The following SUV39H2 variants were observed in gnomAD, a reference collection of about 807,000 sequenced individuals.
SUV39H2 encodes the protein SUV39H2 histone lysine methyltransferase, also known as histone-lysine N-methyltransferase SUV39H2.
A neutral mutation model predicts 47.5 loss-of-function variants in SUV39H2; 10 were observed. The observed-to-expected ratio is 0.21, with a 90% confidence interval of 0.13 to 0.36. The LOEUF (loss-of-function observed/expected upper bound fraction) is 0.36. SUV39H2 is among the 10% of genes least tolerant of loss of function. The pLI is 1.00. For missense variants in SUV39H2, 266 were observed against 487.4 expected (o/e 0.55, Z 4.28); for synonymous variants, 159 against 166.8 (o/e 0.95, Z 0.36).
intron 2 of SUV39H2, among the ~76,000 whole-genome samples, chr10:14,892,595 A>C (rs188328558): frequency 2.6e-5 from 4 of 151,656 alleles, no homozygotes; most frequent in Non-Finnish European, 4.4e-5. Flanking sequence ...CCCTTTTCTC[A>C]TTGTCTCAGC....
At chr10:14,887,134 A>T (rs1362421274) in intron 2 of SUV39H2, among the ~76,000 whole-genome samples, 1 of 152,252 alleles carries the variant, frequency 6.6e-6, no homozygotes, top group Non-Finnish European at 1.5e-5. Flanking sequence ...TAACACGTGC[A>T]TGGCTGCATG....
chr10:14,898,981 C>A, intron 3 of SUV39H2: 1 of 483,964 alleles, frequency 2.1e-6, no homozygotes, highest in Non-Finnish European at 3.7e-6. Context: ...TTTTGAACAT[C>A]CTAATTATAA....
At chr10:14,898,856 C>G (rs1833788566) in intron 3 of SUV39H2, 1 of 196,638 alleles carries the variant, frequency 5.1e-6, no homozygotes, top group African/African-American at 2.3e-5. Context: ...CCATTTGTAA[C>G]TGCATATATA....
intron 2 of SUV39H2, among the ~76,000 whole-genome samples, chr10:14,886,930 G>A (rs1231312511): frequency 6.6e-6 from 1 of 152,216 alleles, no homozygotes; most frequent in Non-Finnish European, 1.5e-5. Flanking sequence ...CATTGTAATT[G>A]ACTAGGGCTT....
intron 2 of SUV39H2, among the ~76,000 whole-genome samples, chr10:14,887,861 C>T (rs1440205772): frequency 6.6e-6 from 1 of 152,132 alleles, no homozygotes; most frequent in Non-Finnish European, 1.5e-5. Context: ...GGGCAGGTAT[C>T]CCTGAGGAAC....
chr10:14,898,202 CTTTTTTTTTTTTTTTTTT>C (rs919860514), intron 3 of SUV39H2: 3 of 56,156 alleles, frequency 5.3e-5, no homozygotes, highest in Admixed American at 1.9e-4. Context: ...AGTACTGTTT[CTTTTTTTTTTTTTTTTTT>C]TTTTTTTTTT....
chr10:14,886,169 T>C (rs1833202492), intron 2 of SUV39H2, among the ~76,000 whole-genome samples: 2 of 152,244 alleles, frequency 1.3e-5, no homozygotes, highest in East Asian at 3.8e-4. Flanking sequence ...ACCCAGCTTA[T>C]ATTCTAATGC....
chr10:14,878,937 C>G lies in SUV39H2; in HGVS notation c.31+18C>G, dbSNP rs1322057552. On this transcript the variant is annotated intron_variant, in intron 1 of 5. Transcript: ENST00000354919. Reference sequence around the variant, plus strand: ...GCGAGGAGGTGAGGCTGGAGCGCGGCCCCCTCGCCTTCCCTGTTCCCAGGC... The same window carrying G: ...GCGAGGAGGTGAGGCTGGAGCGCGGGCCCCTCGCCTTCCCTGTTCCCAGGC... The G allele has an allele frequency of 1.4e-6, 2 of 1,458,656 alleles. No individual in the cohort carries two copies. Among genetic ancestry groups the G allele is most frequent in the Middle Eastern group, 1.8e-4 (1 of 5,472 alleles). The allele number at this position is 1,458,656 out of a possible 1,614,324, so 90.4% of individuals were successfully genotyped here.
At chr10:14,880,730 TTGA>T (rs1046691796) in intron 1 of SUV39H2, among the ~76,000 whole-genome samples, 5 of 152,194 alleles carry the variant, frequency 3.3e-5, no homozygotes, top group African/African-American at 4.8e-5. Context: ...TTCTGGAGGG[TTGA>T]TGATGAGTAT....
At chr10:14,887,208 T>C (rs1271790809) in intron 2 of SUV39H2, among the ~76,000 whole-genome samples, 1 of 152,148 alleles carries the variant, frequency 6.6e-6, no homozygotes, top group East Asian at 1.9e-4. Context: ...GTATTAACGA[T>C]GTCAAGGAAA....
chr10:14,893,206 T>G (rs1360367524), intron 2 of SUV39H2, among the ~76,000 whole-genome samples: 1 of 151,448 alleles, frequency 6.6e-6, no homozygotes, highest in African/African-American at 2.4e-5. Context: ...GGTTTCACCG[T>G]GTTAGCCAGG....
intron 4 of SUV39H2, among the ~76,000 whole-genome samples, 172 bp downstream of exon 4, chr10:14,899,857 AAATT>A (rs1402939762): frequency 6.6e-6 from 1 of 152,250 alleles, no homozygotes; most frequent in Non-Finnish European, 1.5e-5. Flanking sequence ...TGTATTAGGA[AAATT>A]AAACATTGAG....
intron 3 of SUV39H2, chr10:14,899,000 A>G (rs1361278172): frequency 3.7e-5 from 19 of 517,330 alleles, no homozygotes; most frequent in Admixed American, 1.6e-4. Context: ...AATGAAAGTA[A>G]TGCAGTGTTC....
At chr10:14,885,482 T>A (rs974894753) in intron 2 of SUV39H2, among the ~76,000 whole-genome samples, 1 of 152,234 alleles carries the variant, frequency 6.6e-6, no homozygotes, top group Non-Finnish European at 1.5e-5. Context: ...GAATTAGTAA[T>A]AGTTACTTAC....
intron 2 of SUV39H2, among the ~76,000 whole-genome samples, chr10:14,884,158 T>C (rs182104605): frequency 5.1e-4 from 78 of 152,336 alleles, no homozygotes; most frequent in African/African-American, 1.6e-3. Flanking sequence ...GGGTTCTGTG[T>C]GGACATAAGT....
At chr10:14,889,103 C>CAA (rs72496731) in intron 2 of SUV39H2, among the ~76,000 whole-genome samples, 58 of 127,980 alleles carry the variant, frequency 4.5e-4, no homozygotes, top group African/African-American at 1.3e-3. Flanking sequence ...AACTCTGTCT[C>CAA]AAAAAAAAAA....
intron 2 of SUV39H2, among the ~76,000 whole-genome samples, chr10:14,884,416 CTAA>C (rs1833141799): frequency 6.6e-6 from 1 of 152,184 alleles, no homozygotes; most frequent in African/African-American, 2.4e-5. Flanking sequence ...ATTTTTCTGA[CTAA>C]TGATACTGAG....
Position 14,902,487 on chromosome 10 carries a change from T to A in SUV39H2, c.1208T>A (p.Val403Glu), listed in dbSNP as rs1304153249. 7 of 1,600,524 alleles carry A rather than the reference T, an allele frequency of 4.4e-6. No individual in the cohort carries two copies. Among genetic ancestry groups the A allele is most frequent in the Non-Finnish European group, 6.0e-6 (7 of 1,175,156 alleles). ...AGAACAGTATGTAAATGTGGAGCTG[T>A]GACTTGCAGAGGTTACCTCAACTGA... ...RVRTVCKCGA[V>E]TCRGYLN Residue 403 changes from valine (V) to glutamate (E), a missense_variant, in exon 6 of 6, where the codon GTG becomes GAG. Val to Glu is a moderately radical substitution (Grantham distance 121). Coordinates refer to ENST00000354919, the MANE Select transcript of SUV39H2 (RefSeq NM_001193424.2).
At chr10:14,894,595 C>T (rs1833505006) in intron 2 of SUV39H2, among the ~76,000 whole-genome samples, 1 of 58,382 alleles carries the variant, frequency 1.7e-5, no homozygotes, top group African/African-American at 1.9e-4. Context: ...TCTCGATCTC[C>T]TGACCTCGTG....
Sources: gnomAD v4.1 joint callset for allele counts (sites outside exome capture counted in the v4.1 genomes callset) on GRCh38, gnomAD v4.1.1 for gene constraint, MANE v1.5 for transcripts, NCBI Gene and HGNC (gene_info 2026-07-23, HGNC 2026-07-21) for gene names.